Variants in MYO3B observed in about 807,000 individuals in gnomAD.
The protein encoded by MYO3B is myosin IIIB, also known as myosin-IIIb.
A neutral mutation model predicts 174.6 loss-of-function variants in MYO3B; 156 were observed. The observed-to-expected ratio is 0.89, with a 90% confidence interval of 0.78 to 1.02. MYO3B has a LOEUF of 1.02. MYO3B is among the 50% of genes least tolerant of loss of function. The pLI is 0.00. For missense variants in MYO3B, 1,632 were observed against 1,639.4 expected (o/e 1.00, Z 0.08); for synonymous variants, 563 against 569.1 (o/e 0.99, Z 0.15).
intron 32 of MYO3B, among the ~76,000 whole-genome samples, chr2:170,551,103 C>T (rs1316112046): frequency 6.6e-6 from 1 of 151,856 alleles, no homozygotes; most frequent in Admixed American, 6.6e-5. Flanking sequence ...TTTCACTATG[C>T]TGCCCAGCCT....
chr2:170,321,046 C>A (rs2093821970), intron 7 of MYO3B, among the ~76,000 whole-genome samples: 1 of 152,088 alleles, frequency 6.6e-6, no homozygotes, highest in African/African-American at 2.4e-5. Context: ...TATGATCATG[C>A]CTTTGAATAG....
chr2:170,205,050 G>T (rs1356875697), intron 3 of MYO3B, among the ~76,000 whole-genome samples: 2 of 152,068 alleles, frequency 1.3e-5, no homozygotes, highest in Non-Finnish European at 2.9e-5. Flanking sequence ...TCCTTTAAAA[G>T]TGTCCTGAGC....
At chr2:170,339,002 T>G (rs534452251) in intron 8 of MYO3B, among the ~76,000 whole-genome samples, 1 of 152,240 alleles carries the variant, frequency 6.6e-6, no homozygotes, top group Non-Finnish European at 1.5e-5. Context: ...GTGCATTATA[T>G]TTATTCAAAT....
At chr2:170,529,042 T>A (rs75445445) in intron 30 of MYO3B, among the ~76,000 whole-genome samples, 1,949 of 152,322 alleles carry the variant, frequency 0.013, 40 homozygotes, top group African/African-American at 0.044. Flanking sequence ...TTCCAAAAAA[T>A]TGCTGTTTAA....
At chr2:170,581,854 C>A (rs1204664810) in intron 32 of MYO3B, among the ~76,000 whole-genome samples, 1 of 152,096 alleles carries the variant, frequency 6.6e-6, no homozygotes, top group Admixed American at 6.6e-5. Context: ...AATAAGCTAT[C>A]TTCTCAGGCA....
chr2:170,267,035 A>G (rs1401281), intron 7 of MYO3B, among the ~76,000 whole-genome samples: 143,689 of 152,242 alleles, frequency 0.94, 68,031 homozygotes, highest in East Asian at 0.98. Flanking sequence ...ATTTTTCTAG[A>G]GATATATTTC....
intron 30 of MYO3B, among the ~76,000 whole-genome samples, chr2:170,530,622 G>A (rs1398199915): frequency 6.6e-6 from 1 of 152,148 alleles, no homozygotes; most frequent in African/African-American, 2.4e-5. Flanking sequence ...TTGCTTATTG[G>A]ATTTACTGAC....
At chr2:170,625,668 C>A (rs934294132) in intron 32 of MYO3B, among the ~76,000 whole-genome samples, 3 of 152,120 alleles carry the variant, frequency 2.0e-5, no homozygotes, top group African/African-American at 7.2e-5. Flanking sequence ...TTAGATCTTT[C>A]CTGCTTTCTC....
intron 7 of MYO3B, among the ~76,000 whole-genome samples, chr2:170,265,561 C>T (rs188434999): frequency 5.1e-4 from 77 of 152,300 alleles, no homozygotes; most frequent in African/African-American, 1.5e-3. Flanking sequence ...CAGGCATGGG[C>T]CAAGACACAA....
At chr2:170,296,677 T>C (rs1398587828) in intron 7 of MYO3B, among the ~76,000 whole-genome samples, 1 of 152,136 alleles carries the variant, frequency 6.6e-6, no homozygotes, top group African/African-American at 2.4e-5. Context: ...TGTTCTCACA[T>C]TGCTGTAAAA....
At chr2:170,214,947 A>G (rs2092811801) in intron 5 of MYO3B, 119 bp downstream of exon 5, 3 of 719,624 alleles carry the variant, frequency 4.2e-6, no homozygotes, top group South Asian at 1.7e-5. Flanking sequence ...GGACTTTTCC[A>G]GTCAAACACA....
chr2:170,605,151 C>T (rs1202071334), intron 32 of MYO3B, among the ~76,000 whole-genome samples: 1 of 152,116 alleles, frequency 6.6e-6, no homozygotes, highest in Non-Finnish European at 1.5e-5. Flanking sequence ...TTTCTCATTC[C>T]GCCTCTCAGC....
chr2:170,458,335 C>G (rs910522536), intron 23 of MYO3B, among the ~76,000 whole-genome samples: 6 of 152,224 alleles, frequency 3.9e-5, no homozygotes, highest in Non-Finnish European at 8.8e-5. Flanking sequence ...TGTCCTACTT[C>G]TATGGCACAT....
At chr2:170,535,736 C>G (rs574292478) in intron 30 of MYO3B, among the ~76,000 whole-genome samples, 1 of 152,284 alleles carries the variant, frequency 6.6e-6, no homozygotes, top group South Asian at 2.1e-4. Flanking sequence ...TAGCCAAGTC[C>G]TCAGCACAGT....
intron 32 of MYO3B, chr2:170,601,791 C>CT: frequency 1.6e-6 from 2 of 1,262,196 alleles, no homozygotes; most frequent in Non-Finnish European, 2.3e-6. Context: ...TTGCAGCCTT[C>CT]TTTTCACAAA....
At chr2:170,465,640 C>T (rs1559028395) in intron 24 of MYO3B, among the ~76,000 whole-genome samples, 2 of 152,146 alleles carry the variant, frequency 1.3e-5, no homozygotes, top group African/African-American at 2.4e-5. Flanking sequence ...TCTTAGGGCC[C>T]CCCTATCAGC....
At chr2:170,489,227 T>C (rs947835567) in intron 25 of MYO3B, among the ~76,000 whole-genome samples, 4 of 152,236 alleles carry the variant, frequency 2.6e-5, no homozygotes, top group Non-Finnish European at 5.9e-5. Context: ...GAGTTTTTTA[T>C]CAATGATTTT....
intron 32 of MYO3B, among the ~76,000 whole-genome samples, chr2:170,602,866 A>T (rs1395420798): frequency 6.6e-6 from 1 of 152,162 alleles, no homozygotes; most frequent in Non-Finnish European, 1.5e-5. Flanking sequence ...CGGGAGTTTG[A>T]GACCAGCCTG....
chr2:170,338,604 T>TTG (rs1406763697), intron 8 of MYO3B, among the ~76,000 whole-genome samples: 5 of 152,136 alleles, frequency 3.3e-5, no homozygotes, highest in Non-Finnish European at 5.9e-5. Context: ...ACTTTCTTTT[T>TTG]TTTGTTTGTT....
Sources: allele counts gnomAD v4.1 joint callset (sites outside exome capture counted in the v4.1 genomes callset), GRCh38; gene constraint gnomAD v4.1.1; transcripts MANE v1.5; gene names NCBI Gene and HGNC (gene_info 2026-07-23, HGNC 2026-07-21).